PPIP5K1: variants seen among roughly 807,000 people sequenced by gnomAD.
PPIP5K1 encodes the protein inositol hexakisphosphate and diphosphoinositol-pentakisphosphate kinase 1.
PPIP5K1 carries 6 observed loss-of-function variants against 27.7 expected under a neutral mutation model. The ratio of observed to expected loss-of-function variants is 0.22; its 90% CI spans 0.12 to 0.43. The LOEUF is 0.43. Among genes scored for constraint, PPIP5K1 ranks in the 20% least tolerant of loss-of-function variants. The probability of loss-of-function intolerance (pLI) is 1.00; values close to 1 mark genes in which losing one functional copy is unlikely to be tolerated. For synonymous variants in PPIP5K1, 145 were observed against 242.6 expected (o/e 0.60, Z 3.74); for missense variants, 394 against 635.4 (o/e 0.62, Z 4.08).
At chr15:43,560,687 A>G (rs2083699869) in intron 28 of PPIP5K1, 92 bp from the exon 29 acceptor site, 2 of 354,144 alleles carry the variant, frequency 5.6e-6, no homozygotes, top group Non-Finnish European at 1.1e-5. Context: ...TAGCACAAGC[A>G]TTACTGGGAG....
intron 30 of PPIP5K1, among the ~76,000 whole-genome samples, chr15:43,553,193 T>C (rs1294623586): frequency 6.6e-6 from 1 of 152,254 alleles, no homozygotes; most frequent in Non-Finnish European, 1.5e-5. Flanking sequence ...ACTTGTTTTG[T>C]GGCCTAACAT....
At chr15:43,544,280 T>C (rs2251844) in intron 30 of PPIP5K1, among the ~76,000 whole-genome samples, 41,318 of 152,104 alleles carry the variant, frequency 0.27, 9,600 homozygotes, top group African/African-American at 0.62. Flanking sequence ...TAACATACTA[T>C]TAACACTATT....
intron 30 of PPIP5K1, among the ~76,000 whole-genome samples, chr15:43,544,576 T>C (rs1396290955): frequency 6.6e-6 from 1 of 152,106 alleles, no homozygotes; most frequent in African/African-American, 2.4e-5. Flanking sequence ...AGGAGAGTCA[T>C]TGAGGCCAGG....
intron 31 of PPIP5K1, 77 bp from the exon 32 acceptor site, chr15:43,535,553 T>C: frequency 1.6e-6 from 2 of 1,223,298 alleles, no homozygotes; most frequent in Non-Finnish European, 2.3e-6. Context: ...GTTCAAATGC[T>C]AGAATTGTTG....
intron 29 of PPIP5K1, 123 bp from the exon 30 acceptor site, chr15:43,559,055 A>G (rs2141127239): frequency 1.7e-6 from 2 of 1,146,244 alleles, no homozygotes; most frequent in East Asian, 2.4e-5. Context: ...AGTGTTGGGT[A>G]TCCAAGACTC....
chr15:43,549,064 TATATATATATATATATAC>T (rs1362277385), intron 30 of PPIP5K1, among the ~76,000 whole-genome samples: 2 of 82,842 alleles, frequency 2.4e-5, no homozygotes, highest in African/African-American at 1.6e-4. Context: ...AAAATATATA[TATATATATATATATATAC>T]ATATATATAA....
At position 43,534,728 on chromosome 15, in the gene PPIP5K1, C is replaced by T. The variant is rs997326984; in HGVS notation, c.4419G>A (p.Glu1473=). The change falls in exon 32 of 32, where the codon GAG becomes GAA. Residue 1473 remains glutamate, a synonymous_variant. Transcript: ENST00000420765. ...CCTGCAGATCAATCTCCTCAGGGAACTCTTGGGATGGTTTATCAATCTCAG... is the reference window on the plus strand; with the variant it reads ...CCTGCAGATCAATCTCCTCAGGGAATTCTTGGGATGGTTTATCAATCTCAG... ...GIPEIDKPSQ[E]FPEEIDLQAQ... is the part of the protein sequence containing the mutation. 6.5e-7 allele frequency: 1 copy of T among 1,544,202 alleles called. No individual in the cohort carries two copies. The highest frequency in any genetic ancestry group is 8.7e-7 in the Non-Finnish European group (1 of 1,148,718).
Position 43,533,928 on chromosome 15 carries a change from T to G in PPIP5K1, c.*746A>C, listed in dbSNP as rs946130300. On this transcript the variant is annotated 3_prime_UTR_variant, in exon 32 of 32. Coordinates refer to ENST00000420765, the MANE Select transcript of PPIP5K1 (RefSeq NM_001394395.1). ...TCTAATACCTACTTTTCCCTAGAGC[T>G]ATTGCCCAGAGGAACAGGACTGAGG... 1 of 152,152 alleles carries G rather than the reference T, an allele frequency of 6.6e-6. No individual in the cohort carries two copies. The highest frequency in any genetic ancestry group is 1.5e-5 in the Non-Finnish European group (1 of 68,040). The allele number at this position is 152,152 out of a possible 1,614,324, so 9.4% of individuals were successfully genotyped here.
intron 29 of PPIP5K1, among the ~76,000 whole-genome samples, chr15:43,559,900 A>T (rs2083560243): frequency 1.3e-5 from 2 of 151,386 alleles, no homozygotes; most frequent in Admixed American, 1.3e-4. Context: ...TCTATGCAAG[A>T]CAGCTTCCTG....
At chr15:43,557,716 G>A (rs2141074246) in intron 30 of PPIP5K1, among the ~76,000 whole-genome samples, 1 of 151,786 alleles carries the variant, frequency 6.6e-6, no homozygotes, top group Non-Finnish European at 1.5e-5. Flanking sequence ...CCAGGCTGGA[G>A]CGCAGTGGCG....
rs1371642153 is a variant in PPIP5K1, at chr15:43,558,812, T to C, written c.3539A>G (p.Gln1180Arg). ...ATCCCTACCTGCAGATGCCTGTGCCTGGGCATCAGTGTGGCGCTGGCAGAC... is the reference window on the plus strand; with the variant it reads ...ATCCCTACCTGCAGATGCCTGTGCCCGGGCATCAGTGTGGCGCTGGCAGAC... ...SRVCQRHTDA[Q>R]AQASAALFDS... The change falls in exon 30 of 32, where the codon CAG becomes CGG. Residue 1180 changes from glutamine to arginine, a missense_variant. By Grantham distance (43) the Gln-to-Arg change is conservative (BLOSUM62 1). Around this residue, in one of 4 missense-constraint regions of PPIP5K1, gnomAD observed 379 missense variants for 423.9 expected, o/e 0.89. Transcript: ENST00000420765. The C allele has an allele frequency of 1.2e-6, 2 of 1,614,114 alleles. No homozygotes were observed. Among genetic ancestry groups the C allele is most frequent in the Non-Finnish European group, 8.5e-7 (1 of 1,180,026 alleles).
chr15:43,539,319 C>T, intron 31 of PPIP5K1, 151 bp downstream of exon 31: 2 of 648,668 alleles, frequency 3.1e-6, no homozygotes, highest in East Asian at 2.8e-5. Context: ...CTCCTTTCAT[C>T]TTAGAAATGG....
chr15:43,535,703 C>T (rs999502351), intron 31 of PPIP5K1, among the ~76,000 whole-genome samples: 2 of 152,318 alleles, frequency 1.3e-5, no homozygotes. Context: ...ACATCTAAGA[C>T]TTCAGGAGAG....
intron 30 of PPIP5K1, among the ~76,000 whole-genome samples, chr15:43,551,169 T>A (rs190272112): frequency 6.0e-4 from 91 of 152,224 alleles, no homozygotes; most frequent in African/African-American, 2.1e-3. Context: ...TGTGGTAGAG[T>A]TCACCAGTGA....
chr15:43,557,664 T>C (rs964722502), intron 30 of PPIP5K1, among the ~76,000 whole-genome samples: 22 of 151,920 alleles, frequency 1.4e-4, no homozygotes, highest in African/African-American at 4.4e-4. Flanking sequence ...TCTTTCTCTC[T>C]CTCTCTCTCT....
Position 43,534,806 on chromosome 15 carries a change from A to G in PPIP5K1, c.4341T>C (p.Val1447=), listed in dbSNP as rs770112309. 3 of 1,604,844 alleles carry G rather than the reference A, an allele frequency of 1.9e-6. No individual in the cohort carries two copies. The Middle Eastern group carries it at 5.0e-4, about 268-fold the overall frequency. The change falls in exon 32 of 32, where the codon GTT becomes GTC. Residue 1447 remains valine, a synonymous_variant. Transcript: ENST00000420765. ...CAGAAGTCTCCTGGGCCAGCCTGCC[A>G]ACCTCCACAGAGAACTCCTGGTATG... ...IQPYQEFSVE[V]GRLAQETSAI... is the part of the protein sequence containing the mutation.
intron 31 of PPIP5K1, 80 bp from the exon 32 acceptor site, chr15:43,535,556 A>G: frequency 8.4e-7 from 1 of 1,190,172 alleles, no homozygotes. Context: ...CAAATGCTAG[A>G]ATTGTTGGCC....
intron 30 of PPIP5K1, among the ~76,000 whole-genome samples, chr15:43,554,469 T>G (rs1386152473): frequency 6.6e-6 from 1 of 152,208 alleles, no homozygotes; most frequent in East Asian, 1.9e-4. Context: ...TTTTTTTACT[T>G]AAAGACTATT....
In PPIP5K1 at chr15:43,535,071, T is replaced by G. The variant is rs2079647567; in HGVS notation, c.4076A>C (p.Glu1359Ala). 6.2e-7 allele frequency: 1 copy of G among 1,614,096 alleles called. No homozygotes were observed. ...NHDNGNHTCQ[E>A]VPHISQPCQK... ...GCATGGCTGGCTGATGTGAGGGACC[T>G]CCTGGCATGTGTGGTTACCATTGTC... is the stretch of plus-strand genomic sequence containing the variant. Residue 1359 changes from glutamate (E) to alanine (A), a missense_variant, in exon 32 of 32, where the codon GAG becomes GCG. Transcript: ENST00000420765.
Sources: gnomAD v4.1 joint callset for allele counts (sites outside exome capture counted in the v4.1 genomes callset) on GRCh38, gnomAD v4.1.1 for gene constraint, gnomAD v4.1.1 regional missense constraint, MANE v1.5 for transcripts, NCBI Gene and HGNC (gene_info 2026-07-23, HGNC 2026-07-21) for gene names.